Variants in TOP1 observed in about 807,000 individuals in gnomAD.
TOP1 encodes the protein DNA topoisomerase 1.
A neutral mutation model predicts 111.1 loss-of-function variants in TOP1; 10 were observed. The observed-to-expected ratio is 0.09, with a 90% confidence interval of 0.06 to 0.15. The LOEUF (loss-of-function observed/expected upper bound fraction) is 0.15, where lower values mean the gene tolerates loss of function less well. TOP1 is among the 10% of genes least tolerant of loss of function. The probability of loss-of-function intolerance (pLI) is 1.00; values close to 1 mark genes in which losing one functional copy is unlikely to be tolerated. For synonymous variants in TOP1, 271 were observed against 302.9 expected, an observed-to-expected ratio of 0.89 and a Z score of 1.10; for missense variants, 474 against 926.7, an observed-to-expected ratio of 0.51 and a Z score of 6.34.
At chr20:41,072,159 A>T in intron 3 of TOP1, 1 of 829,562 alleles carries the variant, frequency 1.2e-6, no homozygotes, top group Non-Finnish European at 1.5e-6. Context: ...TTCAGTAATT[A>T]ATCATCTGTT....
rs1184230037 is a variant in TOP1, at chr20:41,082,712, C to T, written c.507+1472C>T. Among the ~76,000 whole-genome samples, 1 of 152,112 alleles carries T rather than the reference C, an allele frequency of 6.6e-6. No individual in the cohort carries two copies. On this transcript the variant is annotated intron_variant, in intron 7 of 20. Transcript: ENST00000361337. This position sits in a 1 kb window ranked among gnomAD's most constrained non-coding sequence, Gnocchi z 4.1. The stretch of plus-strand genomic sequence containing the variant: ...CTTGGCCGAAGTTCAAATTAATAAG[C>T]ACTAATTCAAGGAATTGAGAGTGAA...
Position 41,029,506 on chromosome 20 carries a change from T to C in TOP1, c.58+51T>C, listed in dbSNP as rs1442397530. On this transcript the variant is annotated intron_variant, in intron 2 of 20. Coordinates refer to ENST00000361337, the MANE Select transcript of TOP1 (RefSeq NM_003286.4). This position sits in a 1 kb window ranked among gnomAD's most constrained non-coding sequence, Gnocchi z 6.1. Reference sequence around the variant, plus strand: ...CGGGGCCCCCCAGCCGCCGGCCGCCTCCCCCGCGCCCTGCCGGTGCCGGGC... The same window carrying C: ...CGGGGCCCCCCAGCCGCCGGCCGCCCCCCCCGCGCCCTGCCGGTGCCGGGC... 2 of 1,472,174 alleles carry C rather than the reference T, an allele frequency of 1.4e-6. No individual in the cohort carries two copies. Among genetic ancestry groups the C allele is most frequent in the Non-Finnish European group, 1.8e-6 (2 of 1,081,438 alleles). 91.2% of individuals were successfully genotyped at this position (1,472,174 alleles called of 1,614,324 possible).
chr20:41,074,493 T>C (rs1029037068), intron 3 of TOP1, among the ~76,000 whole-genome samples: 10 of 151,954 alleles, frequency 6.6e-5, no homozygotes, highest in Admixed American at 2.6e-4. Flanking sequence ...TGTTTTGTTT[T>C]TTTTTTTCTC....
rs1382623723 is a variant in TOP1 at position 41,115,076 on chromosome 20, T to C, written c.1639-295T>C. Among the ~76,000 whole-genome samples, 1 of 152,242 alleles carries C rather than the reference T, an allele frequency of 6.6e-6. No individual in the cohort carries two copies. The highest frequency in any genetic ancestry group is 6.5e-5 in the Admixed American group (1 of 15,284). ...CTTATAAATGTACTTTAGGACCATA[T>C]TATAAGTAAGTACTTATAAATGTAC... On this transcript the variant is annotated intron_variant, in intron 15 of 20. Coordinates refer to ENST00000361337, the MANE Select transcript of TOP1 (RefSeq NM_003286.4). The surrounding 1 kb of genome is among the most constrained non-coding windows in gnomAD (Gnocchi z 6.3).
rs994007078 is a variant in TOP1, at chr20:41,116,039, T to C, written c.1708-239T>C. On this transcript the variant is annotated intron_variant, in intron 16 of 20. Coordinates refer to ENST00000361337, the MANE Select transcript of TOP1 (RefSeq NM_003286.4). The surrounding 1 kb of genome is among the most constrained non-coding windows in gnomAD (Gnocchi z 5.6). ...GTGAACCGAGATTGTACCACTGCACTCCAGGCTGGGTGTCAGAGTGAGACC... is the reference window on the plus strand; with the variant it reads ...GTGAACCGAGATTGTACCACTGCACCCCAGGCTGGGTGTCAGAGTGAGACC... Among the ~76,000 whole-genome samples, 1 of 152,082 alleles carries C rather than the reference T, an allele frequency of 6.6e-6. No homozygotes were observed.
intron 3 of TOP1, among the ~76,000 whole-genome samples, chr20:41,066,807 G>T (rs1345691491): frequency 6.6e-6 from 1 of 152,012 alleles, no homozygotes; most frequent in South Asian, 2.1e-4. Flanking sequence ...ACCTGCCTCG[G>T]CCTCCCAAAG....
In TOP1 at chr20:41,102,033, A is replaced by G. The variant is rs2034071397; in HGVS notation, c.1308+680A>G. Among the ~76,000 whole-genome samples the G allele has an allele frequency of 6.6e-6, 1 of 152,248 alleles. No individual in the cohort carries two copies. Among genetic ancestry groups the G allele is most frequent in the Non-Finnish European group, 1.5e-5 (1 of 68,040 alleles). On this transcript the variant is annotated intron_variant, in intron 13 of 20. Transcript: ENST00000361337. The surrounding 1 kb of genome is among the most constrained non-coding windows in gnomAD (Gnocchi z 4.0). ...GTCCCACGAACTTCTTCCCTCCAACATACTATGAAATATAAACCTAACAGA... is the reference window on the plus strand; with the variant it reads ...GTCCCACGAACTTCTTCCCTCCAACGTACTATGAAATATAAACCTAACAGA...
intron 18 of TOP1, among the ~76,000 whole-genome samples, chr20:41,120,179 T>C (rs1451750471): frequency 6.6e-6 from 1 of 152,268 alleles, no homozygotes; most frequent in Non-Finnish European, 1.5e-5. Flanking sequence ...AAGATCATGG[T>C]TTGCTACATT....
intron 2 of TOP1, among the ~76,000 whole-genome samples, chr20:41,041,079 A>T (rs1367702556): frequency 1.3e-5 from 2 of 152,030 alleles, no homozygotes; most frequent in Non-Finnish European, 2.9e-5. Context: ...TTACCACGTA[A>T]CCCCAAGCCA....
chr20:41,047,284 A>G (rs1406653118), intron 2 of TOP1, among the ~76,000 whole-genome samples: 1 of 152,210 alleles, frequency 6.6e-6, no homozygotes, highest in Non-Finnish European at 1.5e-5. Flanking sequence ...GTCCCATAAG[A>G]TAGAAGGTGG....
chr20:41,097,116 C>G lies in TOP1; in HGVS notation c.731-104C>G. ...TATGTGTCACCAGACCTTTATATAC[C>G]ATGAGAAGGCAAACCATTATTAAAG... On this transcript the variant is annotated intron_variant, in intron 9 of 20. Coordinates refer to ENST00000361337, the MANE Select transcript of TOP1 (RefSeq NM_003286.4). This position sits in a 1 kb window ranked among gnomAD's most constrained non-coding sequence, Gnocchi z 4.2. The G allele has an allele frequency of 7.8e-7, 1 of 1,283,512 alleles. No individual in the cohort carries two copies. Among genetic ancestry groups the G allele is most frequent in the Middle Eastern group, 1.9e-4 (1 of 5,244 alleles). 79.5% of individuals were successfully genotyped at this position (1,283,512 alleles called of 1,614,324 possible).
At chr20:41,040,803 C>CAA (rs58729802) in intron 2 of TOP1, among the ~76,000 whole-genome samples, 869 of 80,124 alleles carry the variant, frequency 0.011, 19 homozygotes, top group African/African-American at 0.025. Flanking sequence ...GGCATCGTCT[C>CAA]AAAAAAAAAA....
chr20:41,084,266 G>A (rs549989436), intron 7 of TOP1, among the ~76,000 whole-genome samples, 196 bp from the exon 8 acceptor site: 79 of 152,136 alleles, frequency 5.2e-4, no homozygotes, highest in Middle Eastern at 6.8e-3. Context: ...TGTTTGTCAG[G>A]AAATTTTAGG....
At chr20:41,073,393 GAAAGA>G (rs200385566) in intron 3 of TOP1, 11,397 of 975,064 alleles carry the variant, frequency 0.012, 37 homozygotes, top group African/African-American at 0.034. Flanking sequence ...AAAAAAGAAA[GAAAGA>G]AAAGAAAAGA....
chr20:41,091,804 T>G (rs1177713374), intron 8 of TOP1, among the ~76,000 whole-genome samples: 1 of 152,138 alleles, frequency 6.6e-6, no homozygotes, highest in Non-Finnish European at 1.5e-5. Context: ...GACCTCGTGA[T>G]CTGCCCGCCT....
chr20:41,068,460 C>T (rs986560106), intron 3 of TOP1, among the ~76,000 whole-genome samples: 4 of 152,062 alleles, frequency 2.6e-5, no homozygotes, highest in Admixed American at 6.5e-5. Context: ...AGCTTGGGCG[C>T]GGTGGTGTGA....
In TOP1 at chr20:41,067,202, C is replaced by T. The variant is rs920420082; in HGVS notation, c.155+5712C>T. Among the ~76,000 whole-genome samples the T allele has an allele frequency of 4.0e-5, 6 of 151,354 alleles. No individual in the cohort carries two copies. The highest frequency in any genetic ancestry group is 7.4e-5 in the Non-Finnish European group (5 of 67,794). ...TGGTGTGATCTCGGCTCACTGCAAC[C>T]TCTGCCTCCTGGGTTCAAGCGATTC... On this transcript the variant is annotated intron_variant, in intron 3 of 20. Transcript: ENST00000361337. This position sits in a 1 kb window ranked among gnomAD's most constrained non-coding sequence, Gnocchi z 4.0.
rs149274546 is a variant in TOP1 at position 41,089,617 on chromosome 20, C to T, written c.615-2855C>T. Among the ~76,000 whole-genome samples the T allele has an allele frequency of 2.3e-3, 346 of 152,258 alleles. 1 individual carries two copies. The highest frequency in any genetic ancestry group is 2.6e-3 in the Non-Finnish European group (178 of 68,036). ...GCAGATAGTGCTGCTGTGAAACATT[C>T]GTGTACAAGTATTTGTTTGAATATT... On this transcript the variant is annotated intron_variant, in intron 8 of 20. Transcript: ENST00000361337.
At chr20:41,033,696 A>G (rs1308427396) in intron 2 of TOP1, among the ~76,000 whole-genome samples, 1 of 152,214 alleles carries the variant, frequency 6.6e-6, no homozygotes, top group Non-Finnish European at 1.5e-5. Flanking sequence ...TTATACTAAA[A>G]CCATGTTATT....
Sources: allele counts gnomAD v4.1 joint callset (sites outside exome capture counted in the v4.1 genomes callset), GRCh38; gene constraint gnomAD v4.1.1; non-coding constraint Gnocchi (gnomAD v3.1); transcripts MANE v1.5; gene names NCBI Gene and HGNC (gene_info 2026-07-23, HGNC 2026-07-21).